The following NRXN3 variants were observed in gnomAD, a reference collection of about 807,000 sequenced individuals.
The protein encoded by NRXN3 is neurexin 3, also known as neurexin III.
NRXN3 carries 32 observed loss-of-function variants against 137.6 expected under a neutral mutation model. The observed-to-expected ratio is 0.23, with a 90% CI of 0.18 to 0.31. The LOEUF (loss-of-function observed/expected upper bound fraction) is 0.31. NRXN3 is among the 10% of genes least tolerant of loss of function. The pLI is 1.00. For missense variants in NRXN3, 1,574 were observed against 2,062.5 expected, an observed-to-expected ratio of 0.76 and a Z score of 4.59; for synonymous variants, 798 against 784.5, an observed-to-expected ratio of 1.02 and a Z score of -0.29.
At chr14:78,487,238 A>T (rs187402999) in intron 4 of NRXN3, among the ~76,000 whole-genome samples, 1 of 152,228 alleles carries the variant, frequency 6.6e-6, no homozygotes, top group Admixed American at 6.5e-5. Flanking sequence ...AATAATTTAA[A>T]TCAGTTCTAA....
intron 15 of NRXN3, among the ~76,000 whole-genome samples, chr14:79,317,167 G>A (rs558588979): frequency 6.6e-6 from 1 of 152,246 alleles, no homozygotes; most frequent in African/African-American, 2.4e-5. Flanking sequence ...GGGAGGTGGA[G>A]GTTGCAGTGA....
intron 4 of NRXN3, among the ~76,000 whole-genome samples, chr14:78,629,701 G>A (rs548603936): frequency 6.6e-6 from 1 of 152,292 alleles, no homozygotes; most frequent in South Asian, 2.1e-4. Flanking sequence ...GTTTATTCAT[G>A]GTGGTGTACA....
intron 19 of NRXN3, among the ~76,000 whole-genome samples, chr14:79,728,692 TC>T (rs2098907780): frequency 6.6e-6 from 1 of 152,210 alleles, no homozygotes; most frequent in South Asian, 2.1e-4. Context: ...TGATTTCCTT[TC>T]AAATGGCTGC....
chr14:79,342,893 T>C (rs1598923536), intron 15 of NRXN3, among the ~76,000 whole-genome samples: 1 of 152,270 alleles, frequency 6.6e-6, no homozygotes, highest in Middle Eastern at 3.4e-3. Context: ...GACCGGAGTT[T>C]TACTATTACT....
At chr14:79,657,181 A>G (rs553219256) in intron 16 of NRXN3, among the ~76,000 whole-genome samples, 2 of 152,272 alleles carry the variant, frequency 1.3e-5, no homozygotes, top group East Asian at 3.9e-4. Context: ...TGTCTTCGTT[A>G]TCGTTTTTCT....
intron 10 of NRXN3, among the ~76,000 whole-genome samples, chr14:78,945,332 A>AT (rs1227850543): frequency 6.6e-6 from 1 of 151,272 alleles, no homozygotes; most frequent in African/African-American, 2.4e-5. Flanking sequence ...TTCTTATCTC[A>AT]TTTTATCTGG....
intron 15 of NRXN3, 188 bp downstream of exon 15, chr14:78,988,329 A>G (rs1405474): frequency 0.31 from 210,314 of 671,102 alleles, 35,455 homozygotes; most frequent in Admixed American, 0.49. Context: ...TTGCTTAACA[A>G]CACTAAATAT....
chr14:79,154,910 C>T (rs994232469), intron 15 of NRXN3, among the ~76,000 whole-genome samples: 3 of 152,052 alleles, frequency 2.0e-5, no homozygotes, highest in Middle Eastern at 3.4e-3. Context: ...GATCAACTGA[C>T]CAGCTTAAAC....
intron 16 of NRXN3, among the ~76,000 whole-genome samples, chr14:79,500,474 A>G (rs1165707970): frequency 6.6e-6 from 1 of 152,164 alleles, no homozygotes; most frequent in Non-Finnish European, 1.5e-5. Context: ...ATATTTTGTA[A>G]AGACCAGTTA....
At chr14:79,343,831 G>T (rs1447090403) in intron 15 of NRXN3, among the ~76,000 whole-genome samples, 1 of 152,098 alleles carries the variant, frequency 6.6e-6, no homozygotes, top group African/African-American at 2.4e-5. Context: ...AGGAGATGTT[G>T]TCTTGCTCTC....
chr14:79,191,260 A>G (rs2064267410), intron 15 of NRXN3, among the ~76,000 whole-genome samples: 1 of 152,216 alleles, frequency 6.6e-6, no homozygotes, highest in Admixed American at 6.5e-5. Flanking sequence ...CAAACAAACT[A>G]TGGAAGCAGG....
chr14:78,778,720 TTCTTTCTTTC>T (rs1227651841), intron 8 of NRXN3, among the ~76,000 whole-genome samples: 43 of 146,836 alleles, frequency 2.9e-4, no homozygotes, highest in African/African-American at 9.8e-4. Flanking sequence ...CTTTCTTTCT[TTCTTTCTTTC>T]TCTCTCTCTT....
chr14:79,119,497 A>G (rs2055053411), intron 15 of NRXN3, among the ~76,000 whole-genome samples: 1 of 152,206 alleles, frequency 6.6e-6, no homozygotes, highest in Non-Finnish European at 1.5e-5. Flanking sequence ...ATCCTTGTTC[A>G]TTATTAAATA....
At chr14:78,234,543 C>G (rs1025073528) in intron 1 of NRXN3, among the ~76,000 whole-genome samples, 1 of 152,160 alleles carries the variant, frequency 6.6e-6, no homozygotes, top group Admixed American at 6.5e-5. Flanking sequence ...AGAGCCCATG[C>G]CTTTAACCAC....
chr14:78,348,317 C>T (rs1231966432), intron 4 of NRXN3, among the ~76,000 whole-genome samples: 1 of 152,180 alleles, frequency 6.6e-6, no homozygotes, highest in Non-Finnish European at 1.5e-5. Context: ...GGGACAAAAG[C>T]CTCCCCTATT....
intron 15 of NRXN3, among the ~76,000 whole-genome samples, chr14:79,419,907 G>A (rs975474821): frequency 2.0e-5 from 3 of 152,150 alleles, no homozygotes; most frequent in Admixed American, 2.0e-4. Flanking sequence ...AGCTGCAGAA[G>A]CTCTCGGTGA....
intron 15 of NRXN3, among the ~76,000 whole-genome samples, chr14:79,450,035 T>C (rs947820153): frequency 4.2e-5 from 6 of 143,252 alleles, no homozygotes; most frequent in Admixed American, 3.5e-4. Flanking sequence ...CTTACTTCTG[T>C]CCTCTCCCCT....
chr14:79,523,968 G>A (rs2097095010), intron 16 of NRXN3, among the ~76,000 whole-genome samples: 1 of 152,184 alleles, frequency 6.6e-6, no homozygotes, highest in Non-Finnish European at 1.5e-5. Flanking sequence ...TCCAGTTGCT[G>A]TAGGAGCTTT....
At chr14:78,372,425 A>G (rs1223264489) in intron 4 of NRXN3, among the ~76,000 whole-genome samples, 1 of 151,962 alleles carries the variant, frequency 6.6e-6, no homozygotes, top group African/African-American at 2.4e-5. Flanking sequence ...CCTGGGTTCA[A>G]GCAATTCTCC....
Sources: gnomAD v4.1 joint callset for allele counts (sites outside exome capture counted in the v4.1 genomes callset) on GRCh38, gnomAD v4.1.1 for gene constraint, MANE v1.5 for transcripts, NCBI Gene and HGNC (gene_info 2026-07-23, HGNC 2026-07-21) for gene names.